Variants in BASP1 observed in about 807,000 individuals in gnomAD.
BASP1 encodes the protein brain acid soluble protein 1.
Under a neutral mutation model 2.2 loss-of-function variants are expected in BASP1, and 1 was observed. The observed-to-expected ratio is 0.46, with a 90% CI of 0.16 to 2.17. BASP1 has a LOEUF of 2.17. Among genes scored for constraint, BASP1 ranks in the 30% most tolerant of loss-of-function variants. The probability of loss-of-function intolerance (pLI) is 0.27; values close to 1 mark genes in which losing one functional copy is unlikely to be tolerated. For synonymous variants in BASP1, 187 were observed against 154.2 expected (o/e 1.21, Z -1.58); for missense variants, 352 against 327.2 (o/e 1.08, Z -0.58).
chr5:17,258,968 C>T (rs937267175), intron 1 of BASP1, among the ~76,000 whole-genome samples: 1 of 152,196 alleles, frequency 6.6e-6, no homozygotes, highest in African/African-American at 2.4e-5. Flanking sequence ...TTGAAAGTCA[C>T]ACTATGCTGT....
chr5:17,262,943 T>C (rs1740345202), intron 1 of BASP1, among the ~76,000 whole-genome samples: 1 of 151,854 alleles, frequency 6.6e-6, no homozygotes, highest in African/African-American at 2.4e-5. Context: ...GCCTCCCTGG[T>C]TCATGCCATT....
intron 1 of BASP1, among the ~76,000 whole-genome samples, chr5:17,238,290 C>A (rs61519816): frequency 0.012 from 1,815 of 151,856 alleles, 24 homozygotes; most frequent in African/African-American, 0.042. Context: ...TTCTACGTAG[C>A]TGGCTATCTG....
chr5:17,257,193 T>C (rs1423673434), intron 1 of BASP1, among the ~76,000 whole-genome samples: 1 of 152,222 alleles, frequency 6.6e-6, no homozygotes, highest in Non-Finnish European at 1.5e-5. Context: ...TTTACCAGTG[T>C]GAGGAGGCTG....
At chr5:17,226,903 T>C (rs925026972) in intron 1 of BASP1, among the ~76,000 whole-genome samples, 3 of 151,812 alleles carry the variant, frequency 2.0e-5, no homozygotes, top group African/African-American at 4.8e-5. Flanking sequence ...TAAAGTGTCC[T>C]GGAATCTTCT....
At chr5:17,261,254 T>C (rs1740310459) in intron 1 of BASP1, among the ~76,000 whole-genome samples, 1 of 152,222 alleles carries the variant, frequency 6.6e-6, no homozygotes, top group Non-Finnish European at 1.5e-5. Context: ...CCATTTATAA[T>C]GTAGCAAGCC....
chr5:17,234,393 T>G (rs113992264), intron 1 of BASP1, among the ~76,000 whole-genome samples: 4,072 of 152,046 alleles, frequency 0.027, 79 homozygotes, highest in Non-Finnish European at 0.041. Flanking sequence ...AAAAAAAAAA[T>G]TATATAGTTA....
chr5:17,269,533 ACT>A (rs1740489851), intron 1 of BASP1, among the ~76,000 whole-genome samples: 1 of 152,070 alleles, frequency 6.6e-6, no homozygotes, highest in African/African-American at 2.4e-5. Flanking sequence ...CGAATGGCAC[ACT>A]CTCTTCTCTC....
Position 17,275,322 on chromosome 5 carries a change from A to T in BASP1, c.106A>T (p.Thr36Ser). ...GGGCGCGGCGACGGAAGAGGAGGGG[A>T]CCCCGAAGGAGAGTGAGCCCCAGGC... ...AEGAATEEEG[T>S]PKESEPQAAA... The change falls in exon 2 of 2, where the codon ACC (threonine) becomes TCC (serine). Residue 36 changes from threonine to serine, a missense_variant. Thr to Ser is a moderately conservative substitution (Grantham distance 58). Coordinates refer to ENST00000322611, the MANE Select transcript of BASP1 (RefSeq NM_006317.5). The surrounding 1 kb of genome is among the most constrained non-coding windows in gnomAD (Gnocchi z 5.3). 6.2e-7 allele frequency: 1 copy of T among 1,610,992 alleles called. No individual in the cohort carries two copies. The highest frequency in any genetic ancestry group is 1.1e-5 in the South Asian group (1 of 90,876).
chr5:17,275,603 G>GGCCGAGAGCGCGGCCCCT lies in BASP1; in HGVS notation c.392_409dup (p.Glu131_Ala136dup). 5 of 1,421,534 alleles carry GGCCGAGAGCGCGGCCCCT rather than the reference G, an allele frequency of 3.5e-6. No homozygotes were observed. The highest frequency in any genetic ancestry group is 4.6e-6 in the Non-Finnish European group (5 of 1,091,054). The allele number at this position is 1,421,534 out of a possible 1,614,324, so 88.1% of individuals were successfully genotyped here. A position where few individuals can be genotyped will look rare whatever the true frequency, so the allele number is the denominator to read the frequency against. On this transcript the variant is annotated inframe_insertion, in exon 2 of 2. Coordinates refer to ENST00000322611, the MANE Select transcript of BASP1 (RefSeq NM_006317.5). This position sits in a 1 kb window ranked among gnomAD's most constrained non-coding sequence, Gnocchi z 5.3. ...AAGCTGCTGAGGCCGCCGCGGCCCC[G>GGCCGAGAGCGCGGCCCCT]GCCGAGAGCGCGGCCCCTGCCGCCG... is the stretch of plus-strand genomic sequence containing the variant.
intron 1 of BASP1, among the ~76,000 whole-genome samples, chr5:17,240,300 C>T (rs1313250551): frequency 3.3e-5 from 5 of 151,982 alleles, no homozygotes; most frequent in East Asian, 1.9e-4. Flanking sequence ...TTTGGTAGGC[C>T]GATGTAGGCA....
At position 17,275,254 on chromosome 5, in the gene BASP1, A is replaced by G. The variant is rs368611598; in HGVS notation, c.38A>G (p.Asn13Ser). 19 of 1,613,796 alleles carry G rather than the reference A, an allele frequency of 1.2e-5. No homozygotes were observed. Among genetic ancestry groups the G allele is most frequent in the Admixed American group, 5.0e-5 (3 of 59,978 alleles). ...GKLSKKKKGY[N>S]VNDEKAKEKD... ...CTCAGCAAGAAGAAGAAGGGCTACAATGTGAACGACGAGAAAGCCAAGGAG... is the reference window on the plus strand; with the variant it reads ...CTCAGCAAGAAGAAGAAGGGCTACAGTGTGAACGACGAGAAAGCCAAGGAG... The change falls in exon 2 of 2, where the codon AAT becomes AGT. Residue 13 changes from asparagine to serine, a missense_variant. Transcript: ENST00000322611. The surrounding 1 kb of genome is among the most constrained non-coding windows in gnomAD (Gnocchi z 5.3).
intron 1 of BASP1, among the ~76,000 whole-genome samples, chr5:17,230,428 CTAATGA>C (rs1223519818): frequency 1.3e-5 from 2 of 152,006 alleles, no homozygotes; most frequent in Non-Finnish European, 2.9e-5. Context: ...GAAACCAAGG[CTAATGA>C]ATTTTGGGGC....
rs142983048 is a variant in BASP1, at chr5:17,235,185, G to C, written c.-10+17375G>C. On this transcript the variant is annotated intron_variant, in intron 1 of 1. Coordinates refer to ENST00000322611, the MANE Select transcript of BASP1 (RefSeq NM_006317.5). ...TTCTGCTGGGGCTCTCACCTGACAGGCTAACTGCATTAAGATGGGCCACTC... is the reference window on the plus strand; with the variant it reads ...TTCTGCTGGGGCTCTCACCTGACAGCCTAACTGCATTAAGATGGGCCACTC... Among the ~76,000 whole-genome samples the C allele has an allele frequency of 1.7e-3, 258 of 152,124 alleles. 1 individual carries two copies. The highest frequency in any genetic ancestry group is 5.8e-3 in the African/African-American group (242 of 41,490).
chr5:17,244,965 A>G (rs1651893596), intron 1 of BASP1, among the ~76,000 whole-genome samples: 1 of 145,246 alleles, frequency 6.9e-6, no homozygotes, highest in Non-Finnish European at 1.5e-5. Context: ...GTGAGCCACC[A>G]TGCCCAGCCG....
At chr5:17,222,887 A>G (rs1403435911) in intron 1 of BASP1, among the ~76,000 whole-genome samples, 1 of 152,224 alleles carries the variant, frequency 6.6e-6, no homozygotes, top group African/African-American at 2.4e-5. Context: ...ATTTAGAAAT[A>G]GAAACCATCT....
intron 1 of BASP1, among the ~76,000 whole-genome samples, chr5:17,229,454 T>C (rs961668636): frequency 5.3e-5 from 8 of 152,198 alleles, no homozygotes; most frequent in African/African-American, 1.9e-4. Context: ...TCCCCTTATG[T>C]GGGCAGAATT....
In BASP1 at chr5:17,241,683, C is replaced by T. The variant is rs16869636; in HGVS notation, c.-10+23873C>T. 1.0e-2 allele frequency among the ~76,000 whole-genome samples: 1,519 copies of T among 152,248 alleles called. 16 individuals carry two copies. The highest frequency in any genetic ancestry group is 0.041 in the Middle Eastern group (12 of 294). ...GGAGTGAACGAGGCCCTGAAGCTTT[C>T]GTAGATCTGTGCAGGAACTGGAGTG... On this transcript the variant is annotated intron_variant, in intron 1 of 1. Coordinates refer to ENST00000322611, the MANE Select transcript of BASP1 (RefSeq NM_006317.5).
In BASP1 at chr5:17,272,814, A is replaced by C. The variant is rs142462437; in HGVS notation, c.-9-2394A>C. Among the ~76,000 whole-genome samples the C allele has an allele frequency of 2.6e-3, 400 of 152,336 alleles. 2 individuals are homozygous for C. The highest frequency in any genetic ancestry group is 9.0e-3 in the African/African-American group (373 of 41,580). ...ATCGCAGCTGGGCATAAAACAAAGA[A>C]TAGAATGTGGCCTTAACTATGTGTC... On this transcript the variant is annotated intron_variant, in intron 1 of 1. Coordinates refer to ENST00000322611, the MANE Select transcript of BASP1 (RefSeq NM_006317.5).
chr5:17,237,236 T>C (rs1002189786), intron 1 of BASP1, among the ~76,000 whole-genome samples: 3 of 151,830 alleles, frequency 2.0e-5, no homozygotes, highest in South Asian at 4.2e-4. Flanking sequence ...CCCAGCTACT[T>C]GGGAGGCTGA....
Sources: allele counts gnomAD v4.1 joint callset (sites outside exome capture counted in the v4.1 genomes callset), GRCh38; gene constraint gnomAD v4.1.1; non-coding constraint Gnocchi (gnomAD v3.1); transcripts MANE v1.5; gene names NCBI Gene and HGNC (gene_info 2026-07-23, HGNC 2026-07-21).